XDH: variants seen among roughly 807,000 people sequenced by gnomAD.
XDH encodes xanthine dehydrogenase/oxidase.
Under a neutral mutation model 156.1 loss-of-function variants are expected in XDH, and 138 were observed. The ratio of observed to expected loss-of-function variants is 0.88; its 90% CI spans 0.77 to 1.02. XDH has a LOEUF of 1.02. Among genes scored for constraint, XDH ranks in the 50% least tolerant of loss-of-function variants. XDH has a pLI of 0.00. For synonymous variants in XDH, 669 were observed against 625.7 expected, an observed-to-expected ratio of 1.07 and a Z score of -1.03; for missense variants, 1,849 against 1,684.9, an observed-to-expected ratio of 1.10 and a Z score of -1.71.
At chr2:31,380,060 G>C in intron 12 of XDH, 84 bp from the exon 13 acceptor site, 1 of 1,327,146 alleles carries the variant, frequency 7.5e-7, no homozygotes, top group Non-Finnish European at 1.1e-6. Context: ...CCATCAGTGG[G>C]ATTCTTCATG....
Position 31,373,271 on chromosome 2 carries a change from C to T in XDH, c.1686+602G>A, listed in dbSNP as rs114001426. 4.7e-3 allele frequency among the ~76,000 whole-genome samples: 714 copies of T among 152,238 alleles called. 6 individuals are homozygous for T. Among genetic ancestry groups the T allele is most frequent in the Non-Finnish European group, 6.8e-3 (465 of 68,022 alleles). On this transcript the variant is annotated intron_variant, in intron 16 of 35. Transcript: ENST00000379416. Reference sequence around the variant, plus strand: ...CAGGTTCCAGAGTTCATGCCTGGGACGACTACACTCTAGTGTGCAGGGGGC... The same window carrying T: ...CAGGTTCCAGAGTTCATGCCTGGGATGACTACACTCTAGTGTGCAGGGGGC...
At chr2:31,365,727 T>C (rs1685896489) in intron 22 of XDH, among the ~76,000 whole-genome samples, 183 bp from the exon 23 acceptor site, 1 of 152,050 alleles carries the variant, frequency 6.6e-6, no homozygotes, top group Admixed American at 6.6e-5. Context: ...GGAAGCGAGG[T>C]ATGTGCTTTC....
chr2:31,372,081 TC>T (rs755141252), intron 17 of XDH, 146 bp downstream of exon 17: 308 of 1,191,086 alleles, frequency 2.6e-4, no homozygotes, highest in Admixed American at 4.6e-4. Flanking sequence ...GCCTATAAGG[TC>T]TTCCCCTCTC....
chr2:31,360,760 A>G (rs536362839), intron 24 of XDH, among the ~76,000 whole-genome samples: 29 of 152,178 alleles, frequency 1.9e-4, no homozygotes, highest in Non-Finnish European at 3.7e-4. Context: ...ATAAGGGAAG[A>G]TGACTGTATA....
intron 5 of XDH, 102 bp from the exon 6 acceptor site, chr2:31,397,831 G>T (rs1443467718): frequency 9.7e-6 from 13 of 1,334,376 alleles, no homozygotes; most frequent in Non-Finnish European, 1.3e-5. Flanking sequence ...TCTTTACCAG[G>T]CTGCATATTC....
rs575604982 is a variant in XDH, at chr2:31,368,613, C to T, written c.2028G>A (p.Pro676=). ...CTTGGGCAGCTCTCTGTGTGTGTTC[C>T]GGGGTGTCAGCAACCACAGCACCAA... ...HIIGAVVADT[P]EHTQRAAQGV... Residue 676 remains proline, a synonymous_variant, in exon 19 of 36, where the codon CCG becomes CCA. Transcript: ENST00000379416. 63 of 1,614,160 alleles carry T rather than the reference C, an allele frequency of 3.9e-5. 1 individual carries two copies. The highest frequency in any genetic ancestry group is 3.3e-4 in the South Asian group (30 of 91,066).
chr2:31,411,788 T>C lies in XDH; in HGVS notation c.42+2837A>G, dbSNP rs45568531. 5.1e-3 allele frequency among the ~76,000 whole-genome samples: 775 copies of C among 152,336 alleles called. 9 individuals carry two copies. The highest frequency in any genetic ancestry group is 0.018 in the African/African-American group (732 of 41,576). ...TCTGTGAAATACATTTCAGAAGGTA[T>C]TACTTTGTCTAATTATAATCCATCT... On this transcript the variant is annotated intron_variant, in intron 1 of 35. Transcript: ENST00000379416.
intron 27 of XDH, 58 bp downstream of exon 27, chr2:31,348,841 A>C: frequency 6.7e-7 from 1 of 1,496,568 alleles, no homozygotes; most frequent in South Asian, 1.1e-5. Flanking sequence ...TACTGTAAAC[A>C]ACAGGGAAAT....
chr2:31,360,383 C>A (rs1251937951), intron 24 of XDH, among the ~76,000 whole-genome samples: 1 of 152,136 alleles, frequency 6.6e-6, no homozygotes, highest in African/African-American at 2.4e-5. Context: ...CACTTGTAAT[C>A]CCAGCTACTT....
chr2:31,373,241 G>A, intron 16 of XDH, among the ~76,000 whole-genome samples: 1 of 152,298 alleles, frequency 6.6e-6, no homozygotes, highest in South Asian at 2.1e-4. Context: ...ACAAATTCAG[G>A]CAGTCAGGTT....
rs1684924121 is a variant in XDH at position 31,334,449 on chromosome 2, T to C, written c.*1509A>G. 6.6e-6 allele frequency: 1 copy of C among 152,176 alleles called. No homozygotes were observed. The allele number at this position is 152,176 out of a possible 1,614,324, so 9.4% of individuals were successfully genotyped here. A position where few individuals can be genotyped will look rare whatever the true frequency, so the allele number is the denominator to read the frequency against. ...AGGTTGGATTTATACAGTGAAGGCA[T>C]GTGACAGTGACACATTGTCCACCCA... On this transcript the variant is annotated 3_prime_UTR_variant, in exon 36 of 36. Coordinates refer to ENST00000379416, the MANE Select transcript of XDH (RefSeq NM_000379.4).
At chr2:31,350,472 G>A (rs1407927377) in intron 24 of XDH, among the ~76,000 whole-genome samples, 1 of 137,730 alleles carries the variant, frequency 7.3e-6, no homozygotes, top group Admixed American at 8.4e-5. Flanking sequence ...CTACTCCCTG[G>A]TTCAAGCAAT....
Position 31,387,669 on chromosome 2 carries a change from T to G in XDH, c.651+142A>C, listed in dbSNP as rs1176794637. On this transcript the variant is annotated intron_variant, in intron 8 of 35. Coordinates refer to ENST00000379416, the MANE Select transcript of XDH (RefSeq NM_000379.4). ...ATAGCAGAGACTCAACCTAGGGGAG[T>G]GTCAGAAAATGGAAGGGAAATTTAA... The G allele has an allele frequency of 1.9e-5, 14 of 741,306 alleles. No homozygotes were observed. In the South Asian group the frequency reaches 1.9e-4, roughly 10 times the overall value. 45.9% of individuals were successfully genotyped at this position (741,306 alleles called of 1,614,324 possible).
At chr2:31,396,097 CT>C (rs1686896143) in intron 6 of XDH, among the ~76,000 whole-genome samples, 1 of 152,170 alleles carries the variant, frequency 6.6e-6, no homozygotes, top group South Asian at 2.1e-4. Context: ...GAAGAAACAT[CT>C]CGGAGACCTC....
rs780139481 is a variant in XDH, at chr2:31,365,429, G to T, written c.2544+28C>A. On this transcript the variant is annotated intron_variant, in intron 23 of 35. Coordinates refer to ENST00000379416, the MANE Select transcript of XDH (RefSeq NM_000379.4). The stretch of plus-strand genomic sequence containing the variant: ...CTTTCCTCACAAAATGGCTCATCCC[G>T]CCCCAGCACAGCCCCAACATCTAGA... The T allele has an allele frequency of 1.3e-5, 21 of 1,612,624 alleles. No individual in the cohort carries two copies. In the South Asian group the frequency reaches 2.0e-4, roughly 15 times the overall value.
At chr2:31,400,394 C>A (rs920170944) in intron 4 of XDH, among the ~76,000 whole-genome samples, 1 of 151,938 alleles carries the variant, frequency 6.6e-6, no homozygotes, top group African/African-American at 2.4e-5. Context: ...GCCCGCCACT[C>A]CGCCTGGCTA....
chr2:31,387,768 A>G, intron 8 of XDH, 43 bp downstream of exon 8: 1 of 1,533,768 alleles, frequency 6.5e-7, no homozygotes, highest in East Asian at 2.4e-5. Flanking sequence ...CCAGGGACTC[A>G]CAGTACAGAC....
At chr2:31,400,531 C>T (rs566299647) in intron 4 of XDH, among the ~76,000 whole-genome samples, 1 of 152,164 alleles carries the variant, frequency 6.6e-6, no homozygotes. Context: ...TCCAACAGGG[C>T]TCTACTCCCC....
At chr2:31,354,086 C>T (rs1685563177) in intron 24 of XDH, among the ~76,000 whole-genome samples, 1 of 152,178 alleles carries the variant, frequency 6.6e-6, no homozygotes, top group African/African-American at 2.4e-5. Context: ...AGAGGCCACC[C>T]ACACCATGAT....
Sources: gnomAD v4.1 joint callset for allele counts (sites outside exome capture counted in the v4.1 genomes callset) on GRCh38, gnomAD v4.1.1 for gene constraint, MANE v1.5 for transcripts, NCBI Gene and HGNC (gene_info 2026-07-23, HGNC 2026-07-21) for gene names.